PIAS1: variants seen among roughly 807,000 people sequenced by gnomAD.
PIAS1 encodes the protein protein inhibitor of activated STAT 1.
In PIAS1, 6 loss-of-function variants were observed where a neutral mutation model predicts 71.3. The observed-to-expected ratio is 0.08, with a 90% CI of 0.05 to 0.17. PIAS1 has a LOEUF of 0.17. Ranked by LOEUF, PIAS1 falls within the 10% of genes least tolerant of loss-of-function variation. The pLI, the probability that PIAS1 is intolerant of heterozygous loss-of-function variation, is 1.00. For missense variants in PIAS1, 555 were observed against 793.6 expected (o/e 0.70, Z 3.61); for synonymous variants, 303 against 292.9 (o/e 1.03, Z -0.35).
At chr15:68,180,938 T>C (rs1240288762) in intron 11 of PIAS1, among the ~76,000 whole-genome samples, 1 of 152,200 alleles carries the variant, frequency 6.6e-6, no homozygotes, top group Non-Finnish European at 1.5e-5. Flanking sequence ...TTTGAAAGCA[T>C]AGGTGATGAT....
At position 68,092,620 on chromosome 15, in the gene PIAS1, G is replaced by A. The variant is rs118082130; in HGVS notation, c.469+5870G>A. On this transcript the variant is annotated intron_variant, in intron 2 of 13. Coordinates refer to ENST00000249636, the MANE Select transcript of PIAS1 (RefSeq NM_016166.3). Reference sequence around the variant, plus strand: ...TCCCAATGCAATAGTGTTAAGAGGTGGGGCCTTTAGCAGGTGATTAGGTAA... The same window carrying A: ...TCCCAATGCAATAGTGTTAAGAGGTAGGGCCTTTAGCAGGTGATTAGGTAA... Among the ~76,000 whole-genome samples, 19 of 152,300 alleles carry A rather than the reference G, an allele frequency of 1.2e-4. No homozygotes were observed. In the East Asian group the frequency reaches 2.9e-3, roughly 23 times the overall value.
Position 68,167,703 on chromosome 15 carries a change from TTTTTG to T in PIAS1, c.1008+2914_1008+2918del, listed in dbSNP as rs896516091. Among the ~76,000 whole-genome samples the T allele has an allele frequency of 2.0e-5, 3 of 152,304 alleles. No individual in the cohort carries two copies. The highest frequency in any genetic ancestry group is 4.4e-5 in the Non-Finnish European group (3 of 68,024). The stretch of plus-strand genomic sequence containing the variant: ...GTGAAAAAAACTTGTGAAATTATTC[TTTTTG>T]TTTTGTTTTGTTTTTGAGACAGAGT... On this transcript the variant is annotated intron_variant, in intron 8 of 13. Transcript: ENST00000249636. This position sits in a 1 kb window ranked among gnomAD's most constrained non-coding sequence, Gnocchi z 4.4.
Position 68,192,671 on chromosome 15 carries a change from A to G in PIAS1, c.*4836A>G, listed in dbSNP as rs560467480. On this transcript the variant is annotated 3_prime_UTR_variant, in exon 14 of 14. Coordinates refer to ENST00000249636, the MANE Select transcript of PIAS1 (RefSeq NM_016166.3). ...TAACACTACAACTCTTGTTCCCTGCAGTTTTCCCTGTGCCCGGTGCCTAGT... is the reference window on the plus strand; with the variant it reads ...TAACACTACAACTCTTGTTCCCTGCGGTTTTCCCTGTGCCCGGTGCCTAGT... The G allele has an allele frequency of 1.3e-5, 2 of 152,326 alleles. No individual in the cohort carries two copies. Among genetic ancestry groups the G allele is most frequent in the South Asian group, 2.1e-4 (1 of 4,828 alleles). The allele number at this position is 152,326 out of a possible 1,614,324, so 9.4% of individuals were successfully genotyped here.
At chr15:68,098,259 G>A (rs896354901) in intron 2 of PIAS1, among the ~76,000 whole-genome samples, 2 of 152,156 alleles carry the variant, frequency 1.3e-5, no homozygotes, top group African/African-American at 4.8e-5. Flanking sequence ...GTATATGTAT[G>A]TATTGTGTAC....
intron 2 of PIAS1, among the ~76,000 whole-genome samples, chr15:68,116,011 C>A (rs1236271021): frequency 6.6e-6 from 1 of 151,784 alleles, no homozygotes; most frequent in Non-Finnish European, 1.5e-5. Context: ...AGGTCTTGGT[C>A]TCATTTTGGT....
intron 1 of PIAS1, among the ~76,000 whole-genome samples, chr15:68,067,124 G>A (rs1235688515): frequency 6.6e-6 from 1 of 152,160 alleles, no homozygotes; most frequent in African/African-American, 2.4e-5. Flanking sequence ...GTCTGAGTCT[G>A]GAGCCTCTCT....
chr15:68,092,498 C>T (rs1050628696), intron 2 of PIAS1, among the ~76,000 whole-genome samples: 1 of 152,126 alleles, frequency 6.6e-6, no homozygotes, highest in East Asian at 1.9e-4. Context: ...TTCTAATGTT[C>T]TAATTCAATG....
chr15:68,132,313 C>T (rs1469276520), intron 2 of PIAS1, among the ~76,000 whole-genome samples: 1 of 151,406 alleles, frequency 6.6e-6, no homozygotes, highest in Non-Finnish European at 1.5e-5. Flanking sequence ...TCCGTCTCTA[C>T]TAAAAATACA....
intron 8 of PIAS1, among the ~76,000 whole-genome samples, chr15:68,165,507 G>C (rs944847539): frequency 1.3e-5 from 2 of 152,116 alleles, no homozygotes; most frequent in East Asian, 3.8e-4. Flanking sequence ...TGCTAACAAT[G>C]ACCACATTAT....
chr15:68,089,843 A>T (rs139785170), intron 2 of PIAS1, among the ~76,000 whole-genome samples: 1 of 151,986 alleles, frequency 6.6e-6, no homozygotes, highest in Non-Finnish European at 1.5e-5. Context: ...GGTGTGAGCC[A>T]CTGCACCCGG....
In PIAS1 at chr15:68,097,530, T is replaced by A. The variant is rs1477147518; in HGVS notation, c.469+10780T>A. 2.6e-5 allele frequency among the ~76,000 whole-genome samples: 4 copies of A among 152,264 alleles called. No individual in the cohort carries two copies. The East Asian group carries it at 5.8e-4, about 22-fold the overall frequency. ...TCACTGCAACCTCTGCCTCCTCAGT[T>A]CAAGTGATTCTTCTGCCTCAGCCTC... On this transcript the variant is annotated intron_variant, in intron 2 of 13. Coordinates refer to ENST00000249636, the MANE Select transcript of PIAS1 (RefSeq NM_016166.3).
chr15:68,179,117 A>G (rs1003597851), intron 11 of PIAS1, among the ~76,000 whole-genome samples: 1 of 152,228 alleles, frequency 6.6e-6, no homozygotes, highest in Non-Finnish European at 1.5e-5. Context: ...ACTAGTTGGT[A>G]ACTGGAAACC....
At chr15:68,058,227 A>G (rs1347476040) in intron 1 of PIAS1, among the ~76,000 whole-genome samples, 1 of 152,254 alleles carries the variant, frequency 6.6e-6, no homozygotes, top group Non-Finnish European at 1.5e-5. Context: ...ATTACTTCAT[A>G]GAATTGATTG....
chr15:68,090,927 GGTGTGTGTGTGTGTGTGTGTGT>G (rs10667510), intron 2 of PIAS1, among the ~76,000 whole-genome samples: 1 of 142,762 alleles, frequency 7.0e-6, no homozygotes, highest in Non-Finnish European at 1.5e-5. Flanking sequence ...GTCATTTACG[GGTGTGTGTGTGTGTGTGTGTGT>G]GTGTGTGTGT....
chr15:68,142,267 A>C, intron 3 of PIAS1, 23 bp from the exon 4 acceptor site: 1 of 1,581,676 alleles, frequency 6.3e-7, no homozygotes, highest in Non-Finnish European at 8.7e-7. Context: ...AAGTAATTGT[A>C]ATTCCTATTC....
intron 1 of PIAS1, chr15:68,061,378 C>T (rs1300488916): frequency 6.6e-6 from 1 of 152,192 alleles, no homozygotes; most frequent in Non-Finnish European, 1.5e-5. Flanking sequence ...ACTTTTGATT[C>T]CCTCTACTCT....
At chr15:68,062,239 A>G (rs1301108498) in intron 1 of PIAS1, among the ~76,000 whole-genome samples, 1 of 152,206 alleles carries the variant, frequency 6.6e-6, no homozygotes, top group Non-Finnish European at 1.5e-5. Flanking sequence ...TCTCATTGTA[A>G]TGATCTAACA....
rs559029638 is a variant in PIAS1 at position 68,174,411 on chromosome 15, T to C, written c.1169+519T>C. On this transcript the variant is annotated intron_variant, in intron 9 of 13. Transcript: ENST00000249636. This position sits in a 1 kb window ranked among gnomAD's most constrained non-coding sequence, Gnocchi z 4.0. ...TTGCTTTTAACACCTCTTTGTTTTA[T>C]CTATCCTACCAGACATCTTGGAATG... 1.2e-4 allele frequency among the ~76,000 whole-genome samples: 18 copies of C among 152,350 alleles called. No homozygotes were observed. The South Asian group carries it at 3.1e-3, about 26-fold the overall frequency.
chr15:68,156,043 A>G (rs1434552526), intron 7 of PIAS1, among the ~76,000 whole-genome samples: 1 of 152,194 alleles, frequency 6.6e-6, no homozygotes, highest in African/African-American at 2.4e-5. Context: ...TGTCAAGAGG[A>G]AATCTCCCTT....
Sources: allele counts gnomAD v4.1 joint callset (sites outside exome capture counted in the v4.1 genomes callset), GRCh38; gene constraint gnomAD v4.1.1; non-coding constraint Gnocchi (gnomAD v3.1); transcripts MANE v1.5; gene names NCBI Gene and HGNC (gene_info 2026-07-23, HGNC 2026-07-21).